The following FBLN1 variants were observed in gnomAD, a reference collection of about 807,000 sequenced individuals.
FBLN1 encodes the protein fibulin 1.
In FBLN1, 34 loss-of-function variants were observed where a neutral mutation model predicts 89.7. The observed-to-expected ratio is 0.38, with a 90% CI of 0.29 to 0.50. The LOEUF is 0.50. Ranked by LOEUF, FBLN1 falls within the 20% of genes least tolerant of loss-of-function variation. The pLI is 0.92. For synonymous variants in FBLN1, 393 were observed against 391.3 expected, an observed-to-expected ratio of 1.00 and a Z score of -0.05; for missense variants, 777 against 988.1, an observed-to-expected ratio of 0.79 and a Z score of 2.86.
chr22:45,560,182 T>C (rs2088834912), intron 14 of FBLN1, among the ~76,000 whole-genome samples: 1 of 152,230 alleles, frequency 6.6e-6, no homozygotes, highest in South Asian at 2.1e-4. Flanking sequence ...ACCTTGCCTT[T>C]GATGGTTGAG....
chr22:45,558,448 G>A (rs1048971319), intron 14 of FBLN1: 1 of 168,336 alleles, frequency 5.9e-6, no homozygotes, highest in African/African-American at 2.4e-5. Context: ...AAAGCCTAGA[G>A]ACCGCCACTG....
At chr22:45,540,212 C>T (rs2088536816) in intron 8 of FBLN1, among the ~76,000 whole-genome samples, 1 of 152,240 alleles carries the variant, frequency 6.6e-6, no homozygotes, top group South Asian at 2.1e-4. Flanking sequence ...CCCCTGACTT[C>T]AGCCATGAGC....
rs1190510395 is a variant in FBLN1, at chr22:45,562,026, A to G, written c.1697+11411A>G. On this transcript the variant is annotated intron_variant, in intron 14 of 16. Coordinates refer to ENST00000327858, the MANE Select transcript of FBLN1 (RefSeq NM_006486.3). The surrounding 1 kb of genome is among the most constrained non-coding windows in gnomAD (Gnocchi z 7.8). The stretch of plus-strand genomic sequence containing the variant: ...TGCCTTTCCCAGCCCACTGACTCAA[A>G]TGTGACTCTCTTTTGGCAACACCCT... Among the ~76,000 whole-genome samples the G allele has an allele frequency of 6.6e-6, 1 of 152,140 alleles. No homozygotes were observed. Among genetic ancestry groups the G allele is most frequent in the Admixed American group, 6.5e-5 (1 of 15,274 alleles).
chr22:45,558,754 T>TAGG (rs1038204405), intron 14 of FBLN1: 1 of 152,698 alleles, frequency 6.5e-6, no homozygotes, highest in African/African-American at 2.4e-5. Context: ...TGGGGCCAAA[T>TAGG]GCAGGCAACT....
chr22:45,599,035 A>G (rs1166686888), intron 16 of FBLN1, among the ~76,000 whole-genome samples: 1 of 152,156 alleles, frequency 6.6e-6, no homozygotes, highest in African/African-American at 2.4e-5. Context: ...GGGGCCATGG[A>G]GATGGCGGGC....
intron 7 of FBLN1, among the ~76,000 whole-genome samples, chr22:45,534,197 A>T (rs573261583): frequency 1.3e-5 from 2 of 149,108 alleles, no homozygotes; most frequent in Admixed American, 6.8e-5. Context: ...GTGCAGAGTA[A>T]ACGATGGCAG....
Position 45,531,395 on chromosome 22 carries a change from C to T in FBLN1, c.544+71C>T. On this transcript the variant is annotated intron_variant, in intron 5 of 16. Transcript: ENST00000327858. This position sits in a 1 kb window ranked among gnomAD's most constrained non-coding sequence, Gnocchi z 4.9. ...AAGGGGCCAGCAAGGTGGCTCAGGC[C>T]TGTAATCCTAGTACTTTGGGAAGCC... 1 of 1,357,542 alleles carries T rather than the reference C, an allele frequency of 7.4e-7. No homozygotes were observed. The highest frequency in any genetic ancestry group is 1.1e-6 in the Non-Finnish European group (1 of 947,710). 84.1% of individuals were successfully genotyped at this position (1,357,542 alleles called of 1,614,324 possible).
intron 4 of FBLN1, among the ~76,000 whole-genome samples, chr22:45,528,710 T>C (rs970640250): frequency 6.6e-6 from 1 of 151,696 alleles, no homozygotes; most frequent in African/African-American, 2.4e-5. Context: ...AATATTTGAG[T>C]ACCATACCCC....
chr22:45,541,462 C>T (rs2088555382), intron 9 of FBLN1, 90 bp downstream of exon 9: 2 of 1,511,354 alleles, frequency 1.3e-6, no homozygotes, highest in Non-Finnish European at 1.8e-6. Context: ...AGTTGATCCC[C>T]AAAGCAAAGC....
chr22:45,513,898 A>G lies in FBLN1; in HGVS notation c.80-4784A>G, dbSNP rs534735098. ...AACCTCTGCCTCCCAGGTTCAAGCG[A>G]TTCTTCTGCCTCAGCCTCCTGAGTA... On this transcript the variant is annotated intron_variant, in intron 1 of 16. Transcript: ENST00000327858. 4.6e-5 allele frequency among the ~76,000 whole-genome samples: 7 copies of G among 151,964 alleles called. No homozygotes were observed. The East Asian group carries it at 1.4e-3, about 30-fold the overall frequency.
rs1237313129 is a variant in FBLN1, at chr22:45,600,637, C to G, written c.*191C>G. The G allele has an allele frequency of 1.4e-6, 1 of 693,398 alleles. No individual in the cohort carries two copies. Among genetic ancestry groups the G allele is most frequent in the African/African-American group, 1.8e-5 (1 of 56,478 alleles). 43.0% of individuals were successfully genotyped at this position (693,398 alleles called of 1,614,324 possible). A position where few individuals can be genotyped will look rare whatever the true frequency, so the allele number is the denominator to read the frequency against. On this transcript the variant is annotated 3_prime_UTR_variant, in exon 17 of 17. Transcript: ENST00000327858. ...TATTTTCGGTGTTTAAAAAATGAGC[C>G]CAGTTGCTCAACTGTTTGGTTGAAA...
rs1053642519 is a variant in FBLN1, at chr22:45,581,440, G to C, written c.1972+4332G>C. ...GCTGTGTGATAGGAGGGCCTGGCCT[G>C]CAAAAACGCCCTCCCTATTTCTCCA... On this transcript the variant is annotated intron_variant, in intron 16 of 16. Coordinates refer to ENST00000327858, the MANE Select transcript of FBLN1 (RefSeq NM_006486.3). This position sits in a 1 kb window ranked among gnomAD's most constrained non-coding sequence, Gnocchi z 7.6. Among the ~76,000 whole-genome samples the C allele has an allele frequency of 6.6e-6, 1 of 152,038 alleles. No individual in the cohort carries two copies. The highest frequency in any genetic ancestry group is 2.4e-5 in the African/African-American group (1 of 41,416).
At chr22:45,587,110 C>T (rs2089093762) in intron 16 of FBLN1, among the ~76,000 whole-genome samples, 1 of 152,116 alleles carries the variant, frequency 6.6e-6, no homozygotes, top group African/African-American at 2.4e-5. Flanking sequence ...GGAGCCTCTC[C>T]CCTCGTCATG....
intron 16 of FBLN1, among the ~76,000 whole-genome samples, chr22:45,594,338 G>A (rs1285297048): frequency 1.3e-5 from 2 of 152,124 alleles, no homozygotes; most frequent in African/African-American, 4.8e-5. Context: ...GAGGTCCTGG[G>A]GCAGTCCCCA....
At chr22:45,567,818 A>C (rs995345835) in intron 14 of FBLN1, among the ~76,000 whole-genome samples, 2 of 152,182 alleles carry the variant, frequency 1.3e-5, no homozygotes, top group African/African-American at 4.8e-5. Context: ...CTGTGCAGGA[A>C]AAAACAGTGG....
In FBLN1 at chr22:45,574,265, C is replaced by T. The variant is rs1041407112; in HGVS notation, c.1698-246C>T. Among the ~76,000 whole-genome samples the T allele has an allele frequency of 2.6e-5, 4 of 152,204 alleles. No individual in the cohort carries two copies. Among genetic ancestry groups the T allele is most frequent in the Non-Finnish European group, 5.9e-5 (4 of 68,042 alleles). The stretch of plus-strand genomic sequence containing the variant: ...GACAAATGTCCAAGCTGTGCTTATC[C>T]GCCAGGGCACATGGAAGCTGGAGGG... On this transcript the variant is annotated intron_variant, in intron 14 of 16. Transcript: ENST00000327858. The surrounding 1 kb of genome is among the most constrained non-coding windows in gnomAD (Gnocchi z 4.1).
At chr22:45,565,237 T>C in intron 14 of FBLN1, 2 of 1,426,542 alleles carry the variant, frequency 1.4e-6, no homozygotes, top group South Asian at 1.2e-5. Context: ...CCTTAGAACC[T>C]TCCATGGTTG....
At chr22:45,599,635 A>G (rs1036988769) in intron 16 of FBLN1, among the ~76,000 whole-genome samples, 1 of 152,164 alleles carries the variant, frequency 6.6e-6, no homozygotes, top group Non-Finnish European at 1.5e-5. Flanking sequence ...CCTTTCAGGT[A>G]GGCCAGTCAC....
chr22:45,594,416 C>T lies in FBLN1; in HGVS notation c.1973-5891C>T, dbSNP rs78131692. On this transcript the variant is annotated intron_variant, in intron 16 of 16. Coordinates refer to ENST00000327858, the MANE Select transcript of FBLN1 (RefSeq NM_006486.3). ...CCAAGATTGACACCGTTCCCAGAAC[C>T]GGCCTGAAACTTCATATTTTTGGGC... 4.6e-3 allele frequency among the ~76,000 whole-genome samples: 697 copies of T among 152,318 alleles called. 3 individuals carry two copies. Among genetic ancestry groups the T allele is most frequent in the African/African-American group, 0.016 (665 of 41,560 alleles).
Sources: allele counts gnomAD v4.1 joint callset (sites outside exome capture counted in the v4.1 genomes callset), GRCh38; gene constraint gnomAD v4.1.1; non-coding constraint Gnocchi (gnomAD v3.1); transcripts MANE v1.5; gene names NCBI Gene and HGNC (gene_info 2026-07-23, HGNC 2026-07-21).